CD33: variants seen among roughly 807,000 people sequenced by gnomAD.
CD33 encodes the protein CD33 molecule.
In CD33, 25 loss-of-function variants were observed where a neutral mutation model predicts 31.4. That is an observed-to-expected ratio of 0.80 (90% CI 0.58 to 1.11). CD33 has a LOEUF of 1.11. Among genes scored for constraint, CD33 ranks in the 50% most tolerant of loss-of-function variants. CD33 has a pLI of 0.00. For missense variants in CD33, 407 were observed against 448.1 expected (o/e 0.91, Z 0.83); for synonymous variants, 176 against 180.6 (o/e 0.97, Z 0.20).
chr19:51,224,021 A>G (rs909984424), upstream of CD33, among the ~76,000 whole-genome samples: 1 of 152,196 alleles, frequency 6.6e-6, no homozygotes, highest in African/African-American at 2.4e-5. Flanking sequence ...TAAGAATTAA[A>G]GAAAGAGGAA....
intron 4 of CD33, among the ~76,000 whole-genome samples, chr19:51,233,391 A>G (rs1278798199): frequency 6.6e-6 from 1 of 152,200 alleles, no homozygotes; most frequent in Non-Finnish European, 1.5e-5. Context: ...TCTGCTGTTC[A>G]GGGCCAGAGT....
intron 6 of CD33, chr19:51,239,282 A>C (rs1436282411): frequency 2.7e-6 from 1 of 365,314 alleles, no homozygotes; most frequent in African/African-American, 2.1e-5. Flanking sequence ...GTAGCTGCCC[A>C]GAATTTTTCC....
chr19:51,231,138 C>T (rs1394801815), intron 4 of CD33, among the ~76,000 whole-genome samples: 2 of 152,170 alleles, frequency 1.3e-5, no homozygotes, highest in East Asian at 1.9e-4. Flanking sequence ...TATGCTAAAC[C>T]GTCACAGCTA....
In CD33 at chr19:51,239,692, A is replaced by AC; in HGVS notation, c.*7dup. On this transcript the variant is annotated 3_prime_UTR_variant, in exon 7 of 7. Transcript: ENST00000262262. The stretch of plus-strand genomic sequence containing the variant: ...CTCAGAGGTCAGGACCCAGTGAGGA[A>AC]CCCACAAGAGCATCAGGCTCAGCTA... The AC allele has an allele frequency of 1.2e-6, 2 of 1,605,792 alleles. No homozygotes were observed. The highest frequency in any genetic ancestry group is 1.7e-6 in the Non-Finnish European group (2 of 1,176,526).
the CD33 span, among the ~76,000 whole-genome samples, chr19:51,213,328 C>A: frequency 1.3e-5 from 2 of 152,116 alleles, no homozygotes; most frequent in African/African-American, 2.4e-5. Flanking sequence ...TCACAATGTT[C>A]TTTAACCATC....
At chr19:51,220,245 A>T (rs186247225), upstream of CD33, among the ~76,000 whole-genome samples, 24 of 152,284 alleles carry the variant, frequency 1.6e-4, no homozygotes, top group Non-Finnish European at 2.5e-4. Flanking sequence ...GCAGAATCTT[A>T]TGGTTCTAGG....
At chr19:51,224,234 T>C (rs950147806), upstream of CD33, among the ~76,000 whole-genome samples, 1 of 152,198 alleles carries the variant, frequency 6.6e-6, no homozygotes, top group Non-Finnish European at 1.5e-5. Context: ...GGTGTGTGTC[T>C]GTACCCATAC....
Position 51,234,009 on chromosome 19 carries a change from C to T in CD33, c.746-1148C>T, listed in dbSNP as rs182104931. Among the ~76,000 whole-genome samples, 8 of 152,218 alleles carry T rather than the reference C, an allele frequency of 5.3e-5. No homozygotes were observed. The East Asian group carries it at 7.7e-4, about 15-fold the overall frequency. Reference sequence around the variant, plus strand: ...GGGGAGGATGAGCTCCAGGCACCTCCGGTGAGCCATTTTGCTCCAATGGGG... The same window carrying T: ...GGGGAGGATGAGCTCCAGGCACCTCTGGTGAGCCATTTTGCTCCAATGGGG... On this transcript the variant is annotated intron_variant, in intron 4 of 6. Transcript: ENST00000262262.
upstream of CD33, among the ~76,000 whole-genome samples, chr19:51,223,620 T>TG (rs1980793274): frequency 6.6e-6 from 1 of 152,202 alleles, no homozygotes; most frequent in African/African-American, 2.4e-5. Flanking sequence ...ATCCATATGA[T>TG]GAGCCTCTAA....
Position 51,225,976 on chromosome 19 carries a change from A to G in CD33, c.592A>G (p.Ile198Val), listed in dbSNP as rs573217660. 1.1e-4 allele frequency: 176 copies of G among 1,614,050 alleles called. No homozygotes were observed. In the East Asian group the frequency reaches 2.7e-3, roughly 25 times the overall value. The change falls in exon 3 of 7, where the codon ATA (isoleucine) becomes GTA (valine). Residue 198 changes from isoleucine to valine, a missense_variant. Transcript: ENST00000262262. ...GPRTTHSSVL[I>V]ITPRPQDHGT... ...CAGGACTACTCACTCCTCGGTGCTC[A>G]TAATCACCCCACGGCCCCAGGACCA... is the stretch of plus-strand genomic sequence containing the variant.
At chr19:51,220,508 G>A (rs976531672), upstream of CD33, among the ~76,000 whole-genome samples, 39 of 152,206 alleles carry the variant, frequency 2.6e-4, no homozygotes, top group African/African-American at 8.9e-4. Context: ...ACATGGCCTC[G>A]CCTCCTTCTG....
chr19:51,220,875 T>C (rs1040476016), upstream of CD33, among the ~76,000 whole-genome samples: 5 of 152,266 alleles, frequency 3.3e-5, no homozygotes, highest in African/African-American at 1.2e-4. Flanking sequence ...GGGTCTATTA[T>C]ACCATAAAAG....
At chr19:51,220,146 T>A (rs1402668641), upstream of CD33, among the ~76,000 whole-genome samples, 1 of 152,206 alleles carries the variant, frequency 6.6e-6, no homozygotes, top group African/African-American at 2.4e-5. Context: ...GACTTCTATT[T>A]GTTGAGAGAT....
chr19:51,236,491 G>A (rs1442001659), intron 6 of CD33: 1 of 153,182 alleles, frequency 6.5e-6, no homozygotes, highest in Non-Finnish European at 1.5e-5. Flanking sequence ...GGTAGTGTGG[G>A]CTTTAGATTG....
chr19:51,228,447 T>C (rs1441232835), intron 4 of CD33, among the ~76,000 whole-genome samples: 1 of 152,230 alleles, frequency 6.6e-6, no homozygotes, highest in Non-Finnish European at 1.5e-5. Flanking sequence ...CAGTGTTTTG[T>C]AGTTTTTCTT....
intron 6 of CD33, chr19:51,237,490 T>C (rs1403208024): frequency 2.0e-5 from 3 of 152,282 alleles, no homozygotes; most frequent in African/African-American, 7.2e-5. Flanking sequence ...GGCCAAAGAA[T>C]GGCCTTTGGG....
intron 4 of CD33, among the ~76,000 whole-genome samples, chr19:51,226,710 T>G (rs114885585): frequency 0.011 from 1,613 of 152,234 alleles, 27 homozygotes; most frequent in African/African-American, 0.037. Flanking sequence ...CATTTATTAT[T>G]TCATTGTTGT....
chr19:51,212,414 C>T, the CD33 span, among the ~76,000 whole-genome samples: 1 of 151,966 alleles, frequency 6.6e-6, no homozygotes. Context: ...CAGGGGTGGG[C>T]CTCTCCTCAT....
chr19:51,233,891 C>T (rs1388094550), intron 4 of CD33, among the ~76,000 whole-genome samples: 1 of 152,170 alleles, frequency 6.6e-6, no homozygotes, highest in African/African-American at 2.4e-5. Flanking sequence ...TCTCCACTCC[C>T]TTGCTGCACT....
Sources: gnomAD v4.1 joint callset for allele counts (sites outside exome capture counted in the v4.1 genomes callset) on GRCh38, gnomAD v4.1.1 for gene constraint, MANE v1.5 for transcripts, NCBI Gene and HGNC (gene_info 2026-07-23, HGNC 2026-07-21) for gene names.